IRAK4: variants seen among roughly 807,000 people sequenced by gnomAD.
IRAK4 encodes the protein interleukin-1 receptor-associated kinase 4.
IRAK4 carries 44 observed loss-of-function variants against 51.8 expected under a neutral mutation model. The ratio of observed to expected loss-of-function variants is 0.85; its 90% CI spans 0.67 to 1.09. IRAK4 has a LOEUF of 1.09. Ranked by LOEUF, IRAK4 falls within the 50% of genes least tolerant of loss-of-function variation. IRAK4 has a pLI of 0.00. For synonymous variants in IRAK4, 149 were observed against 174.1 expected (o/e 0.86, Z 1.13); for missense variants, 487 against 538.0 (o/e 0.91, Z 0.94).
Position 43,786,756 on chromosome 12 carries a change from ATC to A in IRAK4, c.*44_*45del. 1 of 1,521,552 alleles carries A rather than the reference ATC, an allele frequency of 6.6e-7. No homozygotes were observed. Among genetic ancestry groups the A allele is most frequent in the South Asian group, 1.1e-5 (1 of 87,530 alleles). 94.3% of individuals were successfully genotyped at this position (1,521,552 alleles called of 1,614,324 possible). A position where few individuals can be genotyped will look rare whatever the true frequency, so the allele number is the denominator to read the frequency against. On this transcript the variant is annotated 3_prime_UTR_variant, in exon 12 of 12. Coordinates refer to ENST00000613694, the MANE Select transcript of IRAK4 (RefSeq NM_016123.4). The stretch of plus-strand genomic sequence containing the variant: ...GACTCTTGACTTTTTATATACACCT[ATC>A]TCAACCATTTTTTTAACTGATTTTT...
intron 8 of IRAK4, among the ~76,000 whole-genome samples, chr12:43,781,223 A>G (rs778891256): frequency 6.6e-6 from 1 of 152,196 alleles, no homozygotes; most frequent in African/African-American, 2.4e-5. Context: ...TGTTATGACC[A>G]TTTAAACCCT....
At chr12:43,764,189 C>T (rs987510599) in intron 1 of IRAK4, among the ~76,000 whole-genome samples, 3 of 152,054 alleles carry the variant, frequency 2.0e-5, no homozygotes, top group South Asian at 2.1e-4. Context: ...TTTGGGAGGC[C>T]GAGGTGGGCA....
In IRAK4 at chr12:43,782,167, ACT is replaced by A. The variant is rs1941830358; in HGVS notation, c.942-137_942-136del. The A allele has an allele frequency of 6.8e-5, 44 of 651,236 alleles. 3 individuals carry two copies. The South Asian group carries it at 7.1e-4, about 11-fold the overall frequency. 40.3% of individuals were successfully genotyped at this position (651,236 alleles called of 1,614,324 possible). On this transcript the variant is annotated intron_variant, in intron 8 of 11. Transcript: ENST00000613694. ...TATGATGCATACTATAAAACGTTAC[ACT>A]CTGTAAATATGTATGTACATATGCA...
At chr12:43,759,250 G>C (rs953832090) in intron 1 of IRAK4, 1 of 152,280 alleles carries the variant, frequency 6.6e-6, no homozygotes, top group Non-Finnish European at 1.5e-5. Context: ...AAGAGCCTGA[G>C]GCTTGGAGGG....
chr12:43,771,237 T>A lies in IRAK4; in HGVS notation c.179T>A (p.Leu60His). 6.2e-7 allele frequency: 1 copy of A among 1,613,944 alleles called. No homozygotes were observed. Among genetic ancestry groups the A allele is most frequent in the Non-Finnish European group, 8.5e-7 (1 of 1,179,852 alleles). ...CTTTTAAGGAGATTTGAAGCATTAC[T>A]TCAAACTGGAAAAAGTCCCACTTCT... ...QFHIRRFEAL[L>H]QTGKSPTSEL... Residue 60 changes from leucine to histidine, a missense_variant, in exon 3 of 12, where the codon CTT (leucine) becomes CAT (histidine). Leu to His is a moderately conservative substitution (Grantham distance 99). Coordinates refer to ENST00000613694, the MANE Select transcript of IRAK4 (RefSeq NM_016123.4).
chr12:43,759,640 G>C (rs1268659358), intron 1 of IRAK4: 5 of 152,852 alleles, frequency 3.3e-5, no homozygotes, highest in Admixed American at 3.3e-4. Flanking sequence ...AGGCCCAGGC[G>C]GGCGGATCGC....
Position 43,786,675 on chromosome 12 carries a change from A to C in IRAK4, c.1348-5A>C, listed in dbSNP as rs1446288264. ...TTCTTTTGTTTTTTTCTTTCTTTTT[A>C]AAAGGTTCAACAGCTGCTGCAAGAG... On this transcript the variant is annotated splice_region_variant and splice_polypyrimidine_tract_variant and intron_variant, in intron 11 of 11. Coordinates refer to ENST00000613694, the MANE Select transcript of IRAK4 (RefSeq NM_016123.4). The C allele has an allele frequency of 9.3e-6, 15 of 1,612,668 alleles. No individual in the cohort carries two copies. The highest frequency in any genetic ancestry group is 1.3e-5 in the Non-Finnish European group (15 of 1,179,278).
chr12:43,765,878 T>C (rs1940094836), intron 1 of IRAK4, among the ~76,000 whole-genome samples: 1 of 152,042 alleles, frequency 6.6e-6, no homozygotes, highest in African/African-American at 2.4e-5. Context: ...CTCCCTTTCT[T>C]CTAATCGCTC....
intron 6 of IRAK4, among the ~76,000 whole-genome samples, chr12:43,774,308 G>A (rs942542908): frequency 3.9e-5 from 6 of 152,116 alleles, no homozygotes; most frequent in African/African-American, 9.7e-5. Flanking sequence ...GCAGTGGCAT[G>A]ATCTCGGCTC....
intron 1 of IRAK4, chr12:43,759,485 A>C (rs1389358559): frequency 2.0e-5 from 3 of 152,212 alleles, no homozygotes; most frequent in African/African-American, 7.2e-5. Flanking sequence ...TAGAAAGTGG[A>C]GGCGGCTTAT....
intron 1 of IRAK4, among the ~76,000 whole-genome samples, chr12:43,761,314 A>C (rs775678455): frequency 6.6e-6 from 1 of 152,220 alleles, no homozygotes; most frequent in East Asian, 1.9e-4. Context: ...CCACCATCTC[A>C]AAAGCTTAGC....
intron 1 of IRAK4, among the ~76,000 whole-genome samples, chr12:43,764,821 T>A (rs1939949363): frequency 1.3e-5 from 2 of 152,220 alleles, no homozygotes; most frequent in Admixed American, 1.3e-4. Context: ...AAGCTTTAGT[T>A]TAGAAACACT....
At chr12:43,762,753 T>C (rs568151403) in intron 1 of IRAK4, among the ~76,000 whole-genome samples, 2 of 152,316 alleles carry the variant, frequency 1.3e-5, no homozygotes, top group African/African-American at 4.8e-5. Flanking sequence ...GCCTTTTGAA[T>C]TGGGCTTGAA....
In IRAK4 at chr12:43,788,591, G is replaced by A. The variant is rs528687727; in HGVS notation, c.*1876G>A. On this transcript the variant is annotated 3_prime_UTR_variant, in exon 12 of 12. Transcript: ENST00000613694. Reference sequence around the variant, plus strand: ...GTCTTGCTCTGTTGCCCAGGCTGGAGTGCAGTGGCACGATCTCGGCTCACT... The same window carrying A: ...GTCTTGCTCTGTTGCCCAGGCTGGAATGCAGTGGCACGATCTCGGCTCACT... The A allele has an allele frequency of 8.7e-4, 131 of 150,602 alleles. No homozygotes were observed. The highest frequency in any genetic ancestry group is 1.5e-3 in the Admixed American group (23 of 15,052). 9.3% of individuals were successfully genotyped at this position (150,602 alleles called of 1,614,324 possible).
rs1942307979 is a variant in IRAK4 at position 43,787,760 on chromosome 12, T to C, written c.*1045T>C. On this transcript the variant is annotated 3_prime_UTR_variant, in exon 12 of 12. Coordinates refer to ENST00000613694, the MANE Select transcript of IRAK4 (RefSeq NM_016123.4). ...ACTTCTAATATATAGAACTGTGAGA[T>C]AATGGGTCACATTGGCTGGATGTGG... The C allele has an allele frequency of 6.6e-6, 1 of 152,260 alleles. No individual in the cohort carries two copies. The highest frequency in any genetic ancestry group is 6.6e-5 in the Admixed American group (1 of 15,256). 9.4% of individuals were successfully genotyped at this position (152,260 alleles called of 1,614,324 possible). A position where few individuals can be genotyped will look rare whatever the true frequency, so the allele number is the denominator to read the frequency against.
chr12:43,786,140 TCTC>T (rs1942195234), intron 10 of IRAK4, among the ~76,000 whole-genome samples: 1 of 151,726 alleles, frequency 6.6e-6, no homozygotes, highest in Non-Finnish European at 1.5e-5. Context: ...TTCAAACGAT[TCTC>T]CTGCCAGCCT....
At chr12:43,777,792 G>C (rs772723254) in intron 7 of IRAK4, 48 bp downstream of exon 7, 2 of 1,383,226 alleles carry the variant, frequency 1.4e-6, no homozygotes, top group Non-Finnish European at 1.0e-6. Flanking sequence ...TTATATGCTG[G>C]AATATTAATA....
chr12:43,775,116 CCAAT>C (rs1294470306), intron 6 of IRAK4, among the ~76,000 whole-genome samples: 7 of 152,122 alleles, frequency 4.6e-5, no homozygotes, highest in Non-Finnish European at 1.0e-4. Context: ...CTGTAAATCA[CCAAT>C]CATAGTTACC....
chr12:43,769,393 C>T (rs1196517389), intron 2 of IRAK4, among the ~76,000 whole-genome samples: 1 of 152,176 alleles, frequency 6.6e-6, no homozygotes, highest in Non-Finnish European at 1.5e-5. Flanking sequence ...AGCACAGTGG[C>T]TCATGCCTGT....
Sources: allele counts gnomAD v4.1 joint callset (sites outside exome capture counted in the v4.1 genomes callset), GRCh38; gene constraint gnomAD v4.1.1; transcripts MANE v1.5; gene names NCBI Gene and HGNC (gene_info 2026-07-23, HGNC 2026-07-21).